The following PDE4A variants were observed in gnomAD, a reference collection of about 807,000 sequenced individuals.
The protein encoded by PDE4A is 3',5'-cyclic-AMP phosphodiesterase 4A.
PDE4A carries 21 observed loss-of-function variants against 73.9 expected under a neutral mutation model. The observed-to-expected ratio is 0.28, with a 90% CI of 0.20 to 0.41. The LOEUF is 0.41. PDE4A is among the 10% of genes least tolerant of loss of function. PDE4A has a pLI of 1.00. For missense variants in PDE4A, 958 were observed against 1,211.4 expected (o/e 0.79, Z 3.10); for synonymous variants, 463 against 505.4 (o/e 0.92, Z 1.13).
At chr19:10,450,555 T>G (rs1018963858) in intron 4 of PDE4A, 48 bp from the exon 5 acceptor site, 1 of 1,553,018 alleles carries the variant, frequency 6.4e-7, no homozygotes, top group Non-Finnish European at 8.7e-7. Context: ...AGGGACCTGG[T>G]GGGGGGACCC....
intron 13 of PDE4A, 49 bp from the exon 14 acceptor site, chr19:10,463,744 G>T: frequency 6.2e-7 from 1 of 1,602,624 alleles, no homozygotes; most frequent in Non-Finnish European, 8.5e-7. Flanking sequence ...CTCAGACTGG[G>T]ACACAGGCAT....
At chr19:10,417,626 G>T (rs1468103104), upstream of PDE4A, 1 of 1,556,284 alleles carries the variant, frequency 6.4e-7, no homozygotes, top group Admixed American at 1.8e-5. Flanking sequence ...TTCCCAGCCA[G>T]GCCACGCCCC....
At chr19:10,419,586 C>G (rs1269826095), upstream of PDE4A, 1 of 152,398 alleles carries the variant, frequency 6.6e-6, no homozygotes, top group Non-Finnish European at 1.5e-5. Flanking sequence ...GTATCCGCCA[C>G]AGGGTGTCTT....
rs2043411347 is a variant in PDE4A, at chr19:10,468,054, G to A, written c.*433G>A. ...CCAGCCGCCTGGGGAGTCTCTACCT[G>A]GGCCCAAGCAGGTGTGGGGCCTCCT... On this transcript the variant is annotated 3_prime_UTR_variant, in exon 15 of 15. Coordinates refer to ENST00000380702, the MANE Select transcript of PDE4A (RefSeq NM_001111307.2). The A allele has an allele frequency of 6.5e-6, 1 of 154,326 alleles. No individual in the cohort carries two copies. Among genetic ancestry groups the A allele is most frequent in the Non-Finnish European group, 1.4e-5 (1 of 69,424 alleles). 9.6% of individuals were successfully genotyped at this position (154,326 alleles called of 1,614,324 possible).
Position 10,449,117 on chromosome 19 carries a change from C to T in PDE4A, c.587C>T (p.Ser196Leu). The change falls in exon 4 of 15, where the codon TCA becomes TTA. Residue 196 changes from serine to leucine, a missense_variant. Coordinates refer to ENST00000380702, the MANE Select transcript of PDE4A (RefSeq NM_001111307.2). ...CTCCGGAGCGTCCGTAGCAACTTCT[C>T]ACTCCTGACCAATGTGCCCGTTCCC... ...ASLRSVRSNF[S>L]LLTNVPVPSN... is the part of the protein sequence containing the mutation. The T allele has an allele frequency of 1.9e-6, 3 of 1,613,752 alleles. No individual in the cohort carries two copies. The highest frequency in any genetic ancestry group is 2.5e-6 in the Non-Finnish European group (3 of 1,179,826).
Position 10,424,857 on chromosome 19 carries a change from C to T in PDE4A, c.320+3773C>T, listed in dbSNP as rs1390552535. Among the ~76,000 whole-genome samples the T allele has an allele frequency of 6.6e-6, 1 of 152,232 alleles. No individual in the cohort carries two copies. The highest frequency in any genetic ancestry group is 1.5e-5 in the Non-Finnish European group (1 of 68,028). Reference sequence around the variant, plus strand: ...GTGAACCCCAGCATCCTTGGCTCTGCGCTTCCTGCCCGGGAAACAGAGACC... The same window carrying T: ...GTGAACCCCAGCATCCTTGGCTCTGTGCTTCCTGCCCGGGAAACAGAGACC... On this transcript the variant is annotated intron_variant, in intron 1 of 14. Coordinates refer to ENST00000380702, the MANE Select transcript of PDE4A (RefSeq NM_001111307.2). This position sits in a 1 kb window ranked among gnomAD's most constrained non-coding sequence, Gnocchi z 4.8.
chr19:10,460,005 T>C (rs2043237301), intron 10 of PDE4A, among the ~76,000 whole-genome samples: 1 of 151,962 alleles, frequency 6.6e-6, no homozygotes, highest in African/African-American at 2.4e-5. Context: ...CTCAGCCTCC[T>C]GAGTAGCTGG....
At chr19:10,441,852 G>A (rs2042943592) in intron 1 of PDE4A, among the ~76,000 whole-genome samples, 1 of 151,500 alleles carries the variant, frequency 6.6e-6, no homozygotes, top group South Asian at 2.1e-4. Context: ...ACTACGCCCG[G>A]CTAATTTTTG....
intron 2 of PDE4A, among the ~76,000 whole-genome samples, chr19:10,446,805 G>T (rs1040938479): frequency 4.0e-5 from 6 of 151,768 alleles, no homozygotes; most frequent in African/African-American, 1.2e-4. Context: ...TGTTGGCCAG[G>T]CTGGTCTCAA....
intron 13 of PDE4A, among the ~76,000 whole-genome samples, 167 bp downstream of exon 13, chr19:10,462,166 T>A (rs1214198798): frequency 2.6e-5 from 4 of 152,142 alleles, no homozygotes; most frequent in Non-Finnish European, 5.9e-5. Context: ...GGAGTCTTGC[T>A]CTTGTTGCCC....
chr19:10,432,408 G>A (rs895549085), intron 1 of PDE4A: 15 of 1,382,696 alleles, frequency 1.1e-5, no homozygotes, highest in Non-Finnish European at 1.4e-5. Flanking sequence ...GTCCCCATGC[G>A]CGCCCCGACG....
intron 6 of PDE4A, 76 bp downstream of exon 6, chr19:10,451,017 G>A: frequency 7.2e-7 from 1 of 1,382,984 alleles, no homozygotes; most frequent in Non-Finnish European, 1.0e-6. Context: ...ACCGCTGGAT[G>A]GGACCAGTGG....
rs201380135 is a variant in PDE4A, at chr19:10,467,356, G to A, written c.2396G>A (p.Arg799Gln). 100 of 1,614,050 alleles carry A rather than the reference G, an allele frequency of 6.2e-5. No individual in the cohort carries two copies. Among genetic ancestry groups the A allele is most frequent in the Admixed American group, 1.7e-5 (1 of 59,992 alleles). ...APVAPDEFSS[R>Q]EEFVVAVSHS... ...GTGGCTCCGGATGAGTTCTCGTCCC[G>A]GGAGGAATTCGTGGTTGCTGTAAGC... is the stretch of plus-strand genomic sequence containing the variant. The change falls in exon 15 of 15, where the codon CGG (arginine) becomes CAG (glutamine). Residue 799 changes from arginine (R) to glutamine (Q), a missense_variant. By Grantham distance (43) the Arg-to-Gln change is conservative (BLOSUM62 1). Around this residue, in one of 3 missense-constraint regions of PDE4A, gnomAD observed 243 missense variants for 245.9 expected, o/e 0.99. Coordinates refer to ENST00000380702, the MANE Select transcript of PDE4A (RefSeq NM_001111307.2).
chr19:10,463,680 C>T (rs1387634674), intron 13 of PDE4A, 113 bp from the exon 14 acceptor site: 6 of 1,530,800 alleles, frequency 3.9e-6, no homozygotes, highest in South Asian at 1.3e-5. Context: ...GAATTACAGG[C>T]GTGAGCCACA....
chr19:10,453,008 AC>A lies in PDE4A; in HGVS notation c.784-1815del. The stretch of plus-strand genomic sequence containing the variant: ...CCCTGCCCCCCTCCCATGGGCACGG[AC>A]CCCCCACCGCCTCCACCCACTGCCG... On this transcript the variant is annotated intron_variant, in intron 6 of 14. Coordinates refer to ENST00000380702, the MANE Select transcript of PDE4A (RefSeq NM_001111307.2). The surrounding 1 kb of genome is among the most constrained non-coding windows in gnomAD (Gnocchi z 4.6). 9 of 1,297,616 alleles carry A rather than the reference AC, an allele frequency of 6.9e-6. No individual in the cohort carries two copies. The highest frequency in any genetic ancestry group is 3.4e-5 in the East Asian group (1 of 29,386). The allele number at this position is 1,297,616 out of a possible 1,614,324, so 80.4% of individuals were successfully genotyped here.
chr19:10,466,809 C>T, intron 14 of PDE4A, 78 bp from the exon 15 acceptor site: 1 of 1,530,654 alleles, frequency 6.5e-7, no homozygotes, highest in Non-Finnish European at 8.7e-7. Context: ...GCATGTTTTT[C>T]ATTTCATTAG....
rs1188419923 is a variant in PDE4A, at chr19:10,452,856, C to T, written c.783+1915C>T. The T allele has an allele frequency of 1.6e-5, 7 of 438,126 alleles. 1 individual carries two copies. Among genetic ancestry groups the T allele is most frequent in the Non-Finnish European group, 1.2e-5 (4 of 325,542 alleles). The allele number at this position is 438,126 out of a possible 1,614,324, so 27.1% of individuals were successfully genotyped here. On this transcript the variant is annotated intron_variant, in intron 6 of 14. Coordinates refer to ENST00000380702, the MANE Select transcript of PDE4A (RefSeq NM_001111307.2). ...GGCTGAGGCCCATGGGCTCTGATGC[C>T]CCTTTAATACCCCCCCACCCCCAGC...
chr19:10,456,313 G>T (rs1449399848), intron 7 of PDE4A, among the ~76,000 whole-genome samples: 2 of 151,986 alleles, frequency 1.3e-5, no homozygotes, highest in Non-Finnish European at 2.9e-5. Context: ...AGATCATGAG[G>T]TCAGGAGTTC....
chr19:10,452,892 A>T lies in PDE4A; in HGVS notation c.784-1937A>T, dbSNP rs1386275751. On this transcript the variant is annotated intron_variant, in intron 6 of 14. Transcript: ENST00000380702. ...CCCCCCACCCCCAGCACCACCTGAC[A>T]TCCCATGCAGCCTGCCAGTGCTGCA... 21 of 898,498 alleles carry T rather than the reference A, an allele frequency of 2.3e-5. No individual in the cohort carries two copies. The Admixed American group carries it at 1.3e-3, about 58-fold the overall frequency. 55.7% of individuals were successfully genotyped at this position (898,498 alleles called of 1,614,324 possible).
Sources: gnomAD v4.1 joint callset for allele counts (sites outside exome capture counted in the v4.1 genomes callset) on GRCh38, gnomAD v4.1.1 for gene constraint, gnomAD v4.1.1 regional missense constraint, Gnocchi (gnomAD v3.1) non-coding constraint, MANE v1.5 for transcripts, NCBI Gene and HGNC (gene_info 2026-07-23, HGNC 2026-07-21) for gene names.